Variants in DPYD observed in about 807,000 individuals in gnomAD.
DPYD encodes the protein dihydropyrimidine dehydrogenase [NADP(+)].
A neutral mutation model predicts 116.2 loss-of-function variants in DPYD; 109 were observed. The ratio of observed to expected loss-of-function variants is 0.94; its 90% CI spans 0.80 to 1.10. The LOEUF is 1.10. Among genes scored for constraint, DPYD ranks in the 50% least tolerant of loss-of-function variants. DPYD has a pLI of 0.00. For synonymous variants in DPYD, 440 were observed against 432.0 expected, an observed-to-expected ratio of 1.02 and a Z score of -0.23; for missense variants, 1,302 against 1,254.5, an observed-to-expected ratio of 1.04 and a Z score of -0.57.
intron 13 of DPYD, among the ~76,000 whole-genome samples, chr1:97,511,777 G>A (rs1258859848): frequency 6.6e-6 from 1 of 151,880 alleles, no homozygotes; most frequent in Non-Finnish European, 1.5e-5. Flanking sequence ...ACCAATACAT[G>A]CAGTTAGAAG....
At chr1:97,156,359 C>A (rs1474621848) in intron 20 of DPYD, among the ~76,000 whole-genome samples, 2 of 151,892 alleles carry the variant, frequency 1.3e-5, no homozygotes, top group Non-Finnish European at 2.9e-5. Context: ...ATTTTCGCAA[C>A]CTACTCATCT....
At chr1:97,372,198 T>C (rs1671344895) in intron 16 of DPYD, among the ~76,000 whole-genome samples, 1 of 152,162 alleles carries the variant, frequency 6.6e-6, no homozygotes, top group Admixed American at 6.5e-5. Context: ...ATTTAAAACC[T>C]CCGTAGTTGT....
chr1:97,229,508 T>A (rs1661433434), intron 19 of DPYD, among the ~76,000 whole-genome samples: 1 of 143,602 alleles, frequency 7.0e-6, no homozygotes, highest in East Asian at 2.0e-4. Flanking sequence ...AAACTAAAAT[T>A]ATAAATTCAA....
At chr1:97,556,805 G>T (rs1025632792) in intron 11 of DPYD, among the ~76,000 whole-genome samples, 1 of 151,318 alleles carries the variant, frequency 6.6e-6, no homozygotes, top group South Asian at 2.1e-4. Flanking sequence ...GAATAATGTC[G>T]CAATAAACAT....
intron 12 of DPYD, among the ~76,000 whole-genome samples, chr1:97,544,761 T>C (rs1650702672): frequency 6.6e-6 from 1 of 152,018 alleles, no homozygotes; most frequent in Non-Finnish European, 1.5e-5. Context: ...GCATTGTTTA[T>C]TCATTTTAAT....
chr1:97,114,790 T>C (rs1439068025), intron 20 of DPYD, among the ~76,000 whole-genome samples: 2 of 152,128 alleles, frequency 1.3e-5, no homozygotes, highest in Non-Finnish European at 2.9e-5. Context: ...CACAAACAAA[T>C]ACCATATATT....
intron 14 of DPYD, among the ~76,000 whole-genome samples, chr1:97,416,429 C>T (rs866749943): frequency 1.5e-4 from 23 of 152,284 alleles, no homozygotes; most frequent in African/African-American, 4.8e-4. Context: ...ATGTTTTACT[C>T]TCTGATTTTC....
At chr1:97,178,748 A>C (rs567594269) in intron 20 of DPYD, among the ~76,000 whole-genome samples, 1 of 152,296 alleles carries the variant, frequency 6.6e-6, no homozygotes, top group Admixed American at 6.5e-5. Context: ...CTGGAATTCT[A>C]TATTAATCCT....
chr1:97,700,451 G>A (rs931130237), intron 5 of DPYD: 2 of 345,462 alleles, frequency 5.8e-6, no homozygotes, highest in Non-Finnish European at 1.1e-5. Context: ...ACACCTCAGT[G>A]TACGGCTGAA....
chr1:97,126,047 A>C (rs149548571), intron 20 of DPYD, among the ~76,000 whole-genome samples: 16 of 152,252 alleles, frequency 1.1e-4, no homozygotes, highest in Admixed American at 1.0e-3. Context: ...AAAACTTTTG[A>C]GATTAATAGT....
chr1:97,294,038 T>C (rs1570450402), intron 18 of DPYD, among the ~76,000 whole-genome samples: 1 of 152,098 alleles, frequency 6.6e-6, no homozygotes, highest in South Asian at 2.1e-4. Context: ...ATGTCTACTA[T>C]GTCCCTGAAA....
intron 8 of DPYD, among the ~76,000 whole-genome samples, chr1:97,636,824 C>T (rs931049520): frequency 6.6e-6 from 1 of 152,086 alleles, no homozygotes; most frequent in African/African-American, 2.4e-5. Context: ...GAGAAGTTCA[C>T]TCAGTGAATG....
intron 8 of DPYD, among the ~76,000 whole-genome samples, chr1:97,662,128 G>A (rs913538802): frequency 6.7e-6 from 1 of 149,902 alleles, no homozygotes; most frequent in Non-Finnish European, 1.5e-5. Flanking sequence ...AATCTCCCTA[G>A]TAGCTGGGAC....
intron 18 of DPYD, among the ~76,000 whole-genome samples, chr1:97,279,146 T>C (rs964418084): frequency 3.3e-5 from 5 of 152,110 alleles, no homozygotes; most frequent in Non-Finnish European, 5.9e-5. Context: ...TGTAAGACAT[T>C]AGATTCTGAT....
intron 16 of DPYD, among the ~76,000 whole-genome samples, chr1:97,344,390 G>T (rs2101258593): frequency 6.6e-6 from 1 of 151,914 alleles, no homozygotes; most frequent in Admixed American, 6.6e-5. Flanking sequence ...GTTGAGAATT[G>T]TTCATATATA....
intron 8 of DPYD, among the ~76,000 whole-genome samples, chr1:97,664,944 C>T (rs1193327051): frequency 6.6e-6 from 1 of 152,028 alleles, no homozygotes; most frequent in Non-Finnish European, 1.5e-5. Context: ...CATAAGATTG[C>T]TTTACCACTA....
intron 1 of DPYD, among the ~76,000 whole-genome samples, chr1:97,906,469 A>T (rs1479675496): frequency 6.6e-6 from 1 of 152,068 alleles, no homozygotes; most frequent in Non-Finnish European, 1.5e-5. Context: ...TTATCTTTCT[A>T]ACCAGACTCT....
intron 3 of DPYD, among the ~76,000 whole-genome samples, chr1:97,782,473 T>C (rs1427590283): frequency 1.3e-5 from 2 of 152,200 alleles, no homozygotes; most frequent in Admixed American, 6.5e-5. Flanking sequence ...TGGGACCCCA[T>C]CACAGTGAGC....
chr1:97,790,799 A>G (rs1244121207), intron 3 of DPYD, among the ~76,000 whole-genome samples: 1 of 152,190 alleles, frequency 6.6e-6, no homozygotes, highest in Non-Finnish European at 1.5e-5. Flanking sequence ...AAAAGATTCA[A>G]TTAGGAAAAA....
Sources: gnomAD v4.1 joint callset for allele counts (sites outside exome capture counted in the v4.1 genomes callset) on GRCh38, gnomAD v4.1.1 for gene constraint, MANE v1.5 for transcripts, NCBI Gene and HGNC (gene_info 2026-07-23, HGNC 2026-07-21) for gene names.